Variants in MSRA observed in about 807,000 individuals in gnomAD.
MSRA encodes the protein mitochondrial peptide methionine sulfoxide reductase.
Under a neutral mutation model 31.3 loss-of-function variants are expected in MSRA, and 54 were observed. The observed-to-expected ratio is 1.73, with a 90% CI of 1.39 to 2.17. The LOEUF is 2.17. Ranked by LOEUF, MSRA falls within the 30% of genes most tolerant of loss-of-function variation. MSRA has a pLI of 0.00. For missense variants in MSRA, 507 were observed against 300.9 expected (o/e 1.69, Z -5.07); for synonymous variants, 169 against 116.5 (o/e 1.45, Z -2.90).
chr8:10,371,324 C>T (rs193173157), intron 5 of MSRA, among the ~76,000 whole-genome samples: 294 of 152,126 alleles, frequency 1.9e-3, no homozygotes, highest in African/African-American at 5.9e-3. Context: ...TTCCTGAGCG[C>T]GCTCTCATGC....
intron 5 of MSRA, among the ~76,000 whole-genome samples, chr8:10,343,038 C>CAG (rs1365045215): frequency 9.2e-6 from 1 of 108,944 alleles, no homozygotes; most frequent in Non-Finnish European, 1.8e-5. Flanking sequence ...CACACACACA[C>CAG]ACACACACAC....
intron 5 of MSRA, among the ~76,000 whole-genome samples, chr8:10,407,779 A>C (rs1349174640): frequency 1.3e-5 from 2 of 152,146 alleles, no homozygotes; most frequent in Admixed American, 1.3e-4. Flanking sequence ...CCAGCACCTG[A>C]AGTATAGGAT....
At chr8:10,246,377 C>G (rs756488507) in intron 3 of MSRA, among the ~76,000 whole-genome samples, 19 of 152,190 alleles carry the variant, frequency 1.2e-4, no homozygotes, top group Non-Finnish European at 2.5e-4. Context: ...ATTTCCTTTC[C>G]TTTCCTGCCA....
At chr8:10,117,950 G>A (rs1451186605) in intron 1 of MSRA, among the ~76,000 whole-genome samples, 1 of 152,148 alleles carries the variant, frequency 6.6e-6, no homozygotes, top group Non-Finnish European at 1.5e-5. Context: ...GCTGAAGGTA[G>A]AACATAAACA....
chr8:10,396,780 A>G (rs1807122665), intron 5 of MSRA, among the ~76,000 whole-genome samples: 1 of 152,208 alleles, frequency 6.6e-6, no homozygotes, highest in African/African-American at 2.4e-5. Context: ...CAAGATTGTT[A>G]AGTGAATGAA....
At chr8:10,061,267 G>A (rs1156767645) in intron 1 of MSRA, among the ~76,000 whole-genome samples, 1 of 152,090 alleles carries the variant, frequency 6.6e-6, no homozygotes, top group Admixed American at 6.5e-5. Flanking sequence ...TGCACACTTG[G>A]ATCTTTTTAC....
intron 1 of MSRA, among the ~76,000 whole-genome samples, chr8:10,075,875 G>C (rs1797971098): frequency 6.6e-6 from 1 of 152,156 alleles, no homozygotes; most frequent in Admixed American, 6.5e-5. Flanking sequence ...AAGATATGGA[G>C]ACTCATTTAT....
chr8:10,404,841 C>T (rs1278038176), intron 5 of MSRA, among the ~76,000 whole-genome samples: 1 of 152,148 alleles, frequency 6.6e-6, no homozygotes, highest in Non-Finnish European at 1.5e-5. Context: ...TGTGGCGTGT[C>T]CCACTTCCCA....
chr8:10,068,259 G>GC (rs1414807084), intron 1 of MSRA, among the ~76,000 whole-genome samples: 2 of 152,074 alleles, frequency 1.3e-5, no homozygotes, highest in African/African-American at 4.8e-5. Context: ...TTTTTTCCCA[G>GC]CCTGTGGCTT....
At chr8:10,090,298 G>A (rs924587858) in intron 1 of MSRA, among the ~76,000 whole-genome samples, 15 of 152,196 alleles carry the variant, frequency 9.9e-5, no homozygotes, top group African/African-American at 3.4e-4. Flanking sequence ...GCAGAAGGGA[G>A]CGATGTTTGG....
chr8:10,276,097 C>G (rs1457201394), intron 3 of MSRA, among the ~76,000 whole-genome samples: 2 of 152,140 alleles, frequency 1.3e-5, no homozygotes, highest in African/African-American at 4.8e-5. Context: ...CTGCAGCGGT[C>G]GTTACTGTGG....
chr8:10,124,525 A>C (rs765803869), intron 1 of MSRA, among the ~76,000 whole-genome samples: 4 of 152,230 alleles, frequency 2.6e-5, no homozygotes, highest in African/African-American at 9.6e-5. Flanking sequence ...CTGGTGCCAT[A>C]ATTGGAGCTA....
rs1554468813 is a variant in MSRA at position 10,155,002 on chromosome 8, T to TATATATATATA, written c.143-52831_143-52830insATATATATATA. Among the ~76,000 whole-genome samples the TATATATATATA allele has an allele frequency of 2.4e-4, 30 of 123,980 alleles. 3 individuals carry two copies. In the Middle Eastern group the frequency reaches 0.02, roughly 81 times the overall value. The allele number at this position is 123,980 out of a possible 152,430, so 81.3% of individuals were successfully genotyped here. ...AATAGTTTGATAATGTGTATATATT[T>TATATATATATA]TATATATATATAGGTTTTACCTTGC... On this transcript the variant is annotated intron_variant, in intron 1 of 5. Transcript: ENST00000317173.
intron 1 of MSRA, among the ~76,000 whole-genome samples, chr8:10,127,541 T>G (rs1039053580): frequency 2.0e-5 from 3 of 152,242 alleles, no homozygotes; most frequent in African/African-American, 7.2e-5. Flanking sequence ...TAGCTTTGCC[T>G]CACTGGACTA....
chr8:10,285,630 C>A (rs575617695), intron 3 of MSRA, among the ~76,000 whole-genome samples: 2 of 151,888 alleles, frequency 1.3e-5, no homozygotes, highest in African/African-American at 2.4e-5. Flanking sequence ...GTTAACCAGT[C>A]TCTCCCTATA....
intron 3 of MSRA, among the ~76,000 whole-genome samples, chr8:10,300,348 C>T (rs1800776415): frequency 6.6e-6 from 1 of 152,064 alleles, no homozygotes; most frequent in Non-Finnish European, 1.5e-5. Context: ...CTCCACCTCT[C>T]AGGTTCAAGT....
rs150844873 is a variant in MSRA, at chr8:10,331,618, C to T, written c.543+11629C>T. 4.1e-3 allele frequency among the ~76,000 whole-genome samples: 629 copies of T among 152,202 alleles called. 5 individuals carry two copies. Among genetic ancestry groups the T allele is most frequent in the Middle Eastern group, 0.02 (6 of 294 alleles). On this transcript the variant is annotated intron_variant, in intron 5 of 5. Coordinates refer to ENST00000317173, the MANE Select transcript of MSRA (RefSeq NM_012331.5). The stretch of plus-strand genomic sequence containing the variant: ...TAAGCTTTTCACCCATGCTGTGTGG[C>T]GATACATGCTAATCTTTCAGGCATT...
At chr8:10,128,417 A>G (rs762973054) in intron 1 of MSRA, among the ~76,000 whole-genome samples, 1 of 152,066 alleles carries the variant, frequency 6.6e-6, no homozygotes, top group South Asian at 2.1e-4. Context: ...TCCAGTGATG[A>G]TCAGATGTGA....
intron 5 of MSRA, among the ~76,000 whole-genome samples, chr8:10,348,594 T>C (rs1019334516): frequency 6.6e-6 from 1 of 152,086 alleles, no homozygotes; most frequent in African/African-American, 2.4e-5. Flanking sequence ...GGTCTTGATC[T>C]CTTGACCTCG....
Sources: gnomAD v4.1 joint callset for allele counts (sites outside exome capture counted in the v4.1 genomes callset) on GRCh38, gnomAD v4.1.1 for gene constraint, MANE v1.5 for transcripts, NCBI Gene and HGNC (gene_info 2026-07-23, HGNC 2026-07-21) for gene names.